The following ZNHIT6 variants were observed in gnomAD, a reference collection of about 807,000 sequenced individuals.
ZNHIT6 encodes the protein box C/D snoRNA protein 1.
A neutral mutation model predicts 57.2 loss-of-function variants in ZNHIT6; 45 were observed. That is an observed-to-expected ratio of 0.79 (90% CI 0.62 to 1.01). ZNHIT6 has a LOEUF of 1.01. Among genes scored for constraint, ZNHIT6 ranks in the 50% least tolerant of loss-of-function variants. ZNHIT6 has a pLI of 0.00. For synonymous variants in ZNHIT6, 188 were observed against 190.0 expected, an observed-to-expected ratio of 0.99 and a Z score of 0.09; for missense variants, 528 against 567.3, an observed-to-expected ratio of 0.93 and a Z score of 0.70.
At chr1:85,690,226 A>C (rs535807277) in intron 5 of ZNHIT6, among the ~76,000 whole-genome samples, 46 of 152,280 alleles carry the variant, frequency 3.0e-4, no homozygotes, top group African/African-American at 1.1e-3. Context: ...TTTCCTGCTC[A>C]AAGTATGACT....
Position 85,653,613 on chromosome 1 carries a change from C to A in ZNHIT6, c.*445G>T, listed in dbSNP as rs821399. 59,827 of 150,652 alleles carry A rather than the reference C, an allele frequency of 0.4. 13,057 individuals carry two copies. The highest frequency in any genetic ancestry group is 0.57 in the South Asian group (2,710 of 4,748). The allele number at this position is 150,652 out of a possible 1,614,324, so 9.3% of individuals were successfully genotyped here. A position where few individuals can be genotyped will look rare whatever the true frequency, so the allele number is the denominator to read the frequency against. On this transcript the variant is annotated 3_prime_UTR_variant, in exon 10 of 10. Coordinates refer to ENST00000370574, the MANE Select transcript of ZNHIT6 (RefSeq NM_017953.4). ...CAACCCTGTCTCTACCAAAAAAAAA[C>A]AACAACAAAAAACTTAGCTGAGTGT...
rs1250798458 is a variant in ZNHIT6, at chr1:85,667,970, A to G, written c.1247+9266T>C. Among the ~76,000 whole-genome samples the G allele has an allele frequency of 1.2e-4, 14 of 120,134 alleles. 1 individual carries two copies. Among genetic ancestry groups the G allele is most frequent in the African/African-American group, 3.7e-4 (12 of 32,200 alleles). The allele number at this position is 120,134 out of a possible 152,430, so 78.8% of individuals were successfully genotyped here. On this transcript the variant is annotated intron_variant, in intron 8 of 9. Transcript: ENST00000370574. ...TTCAAAAAAAAAAAAAAATATATAT[A>G]TATATATATATATATGCTCTGCTTT... is the stretch of plus-strand genomic sequence containing the variant.
At chr1:85,668,843 A>G (rs1661462085) in intron 8 of ZNHIT6, among the ~76,000 whole-genome samples, 1 of 152,340 alleles carries the variant, frequency 6.6e-6, no homozygotes, top group Admixed American at 6.5e-5. Flanking sequence ...TCAACTGAAT[A>G]TATCTACCAA....
At chr1:85,678,127 T>C (rs1156300349) in intron 7 of ZNHIT6, among the ~76,000 whole-genome samples, 1 of 152,178 alleles carries the variant, frequency 6.6e-6, no homozygotes, top group Non-Finnish European at 1.5e-5. Flanking sequence ...AACCCAGATA[T>C]CCATGACTGA....
At chr1:85,659,176 C>T (rs911814613) in intron 8 of ZNHIT6, among the ~76,000 whole-genome samples, 3 of 152,052 alleles carry the variant, frequency 2.0e-5, no homozygotes, top group Non-Finnish European at 4.4e-5. Flanking sequence ...TAATTAGATG[C>T]TAATGGTCAT....
chr1:85,657,715 C>G, intron 9 of ZNHIT6, 132 bp downstream of exon 9: 1 of 795,870 alleles, frequency 1.3e-6, no homozygotes, highest in Non-Finnish European at 1.9e-6. Flanking sequence ...TTCACATTAA[C>G]TAGCTATACA....
intron 5 of ZNHIT6, among the ~76,000 whole-genome samples, chr1:85,695,775 G>A (rs954855577): frequency 1.3e-5 from 2 of 152,206 alleles, no homozygotes; most frequent in East Asian, 1.9e-4. Context: ...GGTGGCTCAC[G>A]CCTTTAATCC....
intron 5 of ZNHIT6, among the ~76,000 whole-genome samples, chr1:85,697,834 C>A (rs897306310): frequency 8.5e-5 from 13 of 152,070 alleles, no homozygotes; most frequent in African/African-American, 3.1e-4. Context: ...CACTTTTTTC[C>A]ATTTATTCAA....
At position 85,650,327 on chromosome 1, in the gene ZNHIT6, T is replaced by C. The variant is rs1220416850; in HGVS notation, c.*3731A>G. The C allele has an allele frequency of 6.6e-6, 1 of 152,072 alleles. No individual in the cohort carries two copies. The highest frequency in any genetic ancestry group is 1.5e-5 in the Non-Finnish European group (1 of 68,030). 9.4% of individuals were successfully genotyped at this position (152,072 alleles called of 1,614,324 possible). A position where few individuals can be genotyped will look rare whatever the true frequency, so the allele number is the denominator to read the frequency against. ...ATACAGAATATCCCCAAAGGGAAAATCTGAAAAGAAAACCAATCCATAAAG... is the reference window on the plus strand; with the variant it reads ...ATACAGAATATCCCCAAAGGGAAAACCTGAAAAGAAAACCAATCCATAAAG... On this transcript the variant is annotated 3_prime_UTR_variant, in exon 10 of 10. Transcript: ENST00000370574.
chr1:85,706,199 A>G (rs752975214), intron 3 of ZNHIT6, 36 bp from the exon 4 acceptor site: 1 of 1,611,266 alleles, frequency 6.2e-7, no homozygotes, highest in African/African-American at 1.3e-5. Flanking sequence ...AACAAGTGAC[A>G]TATACCAATG....
In ZNHIT6 at chr1:85,677,322, A is replaced by G; in HGVS notation, c.1170-9T>C. On this transcript the variant is annotated splice_polypyrimidine_tract_variant and intron_variant, in intron 7 of 9. Coordinates refer to ENST00000370574, the MANE Select transcript of ZNHIT6 (RefSeq NM_017953.4). ...GAATGTAGGCTTTCAACCTGAAATA[A>G]AAACATCATATTGAAGGAAAAGCTG... 1 of 1,599,502 alleles carries G rather than the reference A, an allele frequency of 6.3e-7. No individual in the cohort carries two copies. Among genetic ancestry groups the G allele is most frequent in the African/African-American group, 1.3e-5 (1 of 74,328 alleles).
intron 8 of ZNHIT6, among the ~76,000 whole-genome samples, chr1:85,672,150 T>G (rs1661571591): frequency 6.6e-6 from 1 of 152,170 alleles, no homozygotes; most frequent in Non-Finnish European, 1.5e-5. Context: ...CACCCCTACA[T>G]GAAACTCAAC....
At chr1:85,707,515 A>G (rs1355250940) in intron 1 of ZNHIT6, 114 bp downstream of exon 1, 2 of 1,281,318 alleles carry the variant, frequency 1.6e-6, no homozygotes, top group Non-Finnish European at 2.1e-6. Flanking sequence ...CCAGAAACCC[A>G]AACTTGTGCT....
intron 4 of ZNHIT6, 39 bp downstream of exon 4, chr1:85,706,039 A>G: frequency 6.8e-7 from 1 of 1,467,686 alleles, no homozygotes; most frequent in South Asian, 1.2e-5. Context: ...AATTGATTTG[A>G]AGGACTTCTA....
intron 5 of ZNHIT6, among the ~76,000 whole-genome samples, chr1:85,694,042 G>T (rs1275270135): frequency 6.6e-6 from 1 of 152,132 alleles, no homozygotes; most frequent in Non-Finnish European, 1.5e-5. Context: ...ACAGGCAAAA[G>T]AAATGTACAG....
chr1:85,666,333 C>G (rs1409129522), intron 8 of ZNHIT6, among the ~76,000 whole-genome samples: 1 of 152,132 alleles, frequency 6.6e-6, no homozygotes, highest in Non-Finnish European at 1.5e-5. Context: ...TATAACATAA[C>G]AAGGATAGGT....
chr1:85,675,606 C>T (rs1363650464), intron 8 of ZNHIT6, among the ~76,000 whole-genome samples: 1 of 152,154 alleles, frequency 6.6e-6, no homozygotes, highest in Non-Finnish European at 1.5e-5. Flanking sequence ...GCTGCATTAG[C>T]CCCTAACAAG....
At chr1:85,667,961 A>AAAAAAAAAAAATGTATATATATATATAT in intron 8 of ZNHIT6, among the ~76,000 whole-genome samples, 7 of 18,202 alleles carry the variant, frequency 3.8e-4, no homozygotes, top group Non-Finnish European at 6.9e-4. Flanking sequence ...AAAAAAAAAA[A>AAAAAAAAAAAATGTATATATATATATAT]ATATATATAT....
In ZNHIT6 at chr1:85,653,293, AG is replaced by A. The variant is rs1660964004; in HGVS notation, c.*764del. On this transcript the variant is annotated 3_prime_UTR_variant, in exon 10 of 10. Coordinates refer to ENST00000370574, the MANE Select transcript of ZNHIT6 (RefSeq NM_017953.4). ...TCTCAAGTAGAAAACTTGTCTCACA[AG>A]GGTAAGTTACATAAAAACTCCAAAG... The A allele has an allele frequency of 6.6e-6, 1 of 152,162 alleles. No individual in the cohort carries two copies. The highest frequency in any genetic ancestry group is 2.4e-5 in the African/African-American group (1 of 41,432). The allele number at this position is 152,162 out of a possible 1,614,324, so 9.4% of individuals were successfully genotyped here.
Sources: allele counts gnomAD v4.1 joint callset (sites outside exome capture counted in the v4.1 genomes callset), GRCh38; gene constraint gnomAD v4.1.1; transcripts MANE v1.5; gene names NCBI Gene and HGNC (gene_info 2026-07-23, HGNC 2026-07-21).